Variants in PECAM1 observed in about 807,000 individuals in gnomAD.
The protein encoded by PECAM1 is platelet endothelial cell adhesion molecule.
PECAM1 carries 8 observed loss-of-function variants against 13.8 expected under a neutral mutation model. The ratio of observed to expected loss-of-function variants is 0.58; its 90% CI spans 0.34 to 1.05. The LOEUF (loss-of-function observed/expected upper bound fraction) is 1.05, where lower values mean the gene tolerates loss of function less well. Among genes scored for constraint, PECAM1 ranks in the 50% least tolerant of loss-of-function variants. The probability of loss-of-function intolerance (pLI) is 0.03; values close to 1 mark genes in which losing one functional copy is unlikely to be tolerated. For missense variants in PECAM1, 304 were observed against 141.2 expected, an observed-to-expected ratio of 2.15 and a Z score of -5.84; for synonymous variants, 136 against 52.6, an observed-to-expected ratio of 2.58 and a Z score of -6.86.
chr17:64,365,296 C>T (rs1430034193), intron 5 of PECAM1, among the ~76,000 whole-genome samples: 1 of 152,174 alleles, frequency 6.6e-6, no homozygotes, highest in Admixed American at 6.6e-5. Flanking sequence ...AGGAAAACTA[C>T]AAACCACTGC....
intron 14 of PECAM1, among the ~76,000 whole-genome samples, chr17:64,335,208 AG>A (rs2035246153): frequency 6.6e-6 from 1 of 152,124 alleles, no homozygotes; most frequent in Non-Finnish European, 1.5e-5. Flanking sequence ...AAGGTGACCA[AG>A]GTCTTGAGAG....
At chr17:64,347,253 C>T (rs1164662627) in intron 13 of PECAM1, among the ~76,000 whole-genome samples, 1 of 151,610 alleles carries the variant, frequency 6.6e-6, no homozygotes, top group African/African-American at 2.4e-5. Context: ...TGTGGTGGCT[C>T]ACACCTGTAA....
chr17:64,378,082 G>A lies in PECAM1; in HGVS notation c.127C>T (p.Pro43Ser). Residue 43 changes from proline (P) to serine (S), a missense_variant, in exon 3 of 16, where the codon CCG becomes TCG. Pro to Ser is a moderately conservative substitution (Grantham distance 74). Transcript: ENST00000563924. The part of the protein sequence containing the change: ...TINSVDMKSL[P>S]DWTVQNGKNL... ...TTCCCATTTTGCACCGTCCAGTCCGGCAGGCTCTTCATGTCAACACTGTTG... is the reference window on the plus strand; with the variant it reads ...TTCCCATTTTGCACCGTCCAGTCCGACAGGCTCTTCATGTCAACACTGTTG... 2.1e-6 allele frequency: 1 copy of A among 475,216 alleles called. No individual in the cohort carries two copies. The highest frequency in any genetic ancestry group is 3.9e-6 in the Non-Finnish European group (1 of 259,020). The allele number at this position is 475,216 out of a possible 1,614,324, so 29.4% of individuals were successfully genotyped here.
chr17:64,334,252 G>C (rs1009568960), intron 14 of PECAM1, among the ~76,000 whole-genome samples: 9 of 152,084 alleles, frequency 5.9e-5, no homozygotes, highest in Admixed American at 1.3e-4. Context: ...CTCTCTCCTC[G>C]GCCCTGGGGC....
chr17:64,388,956 A>T (rs2036659042), intron 2 of PECAM1, among the ~76,000 whole-genome samples: 1 of 152,060 alleles, frequency 6.6e-6, no homozygotes, highest in South Asian at 2.1e-4. Context: ...GTGTGAGCCA[A>T]CGCGGCTGGT....
chr17:64,354,868 C>T (rs1006066012), intron 9 of PECAM1, 65 bp downstream of exon 9: 2 of 471,158 alleles, frequency 4.2e-6, no homozygotes, highest in South Asian at 7.0e-5. Context: ...AAAAGCACCA[C>T]GCATCCCTGG....
intron 7 of PECAM1, 36 bp downstream of exon 7, chr17:64,360,104 G>A: frequency 2.1e-6 from 1 of 475,264 alleles, no homozygotes. Flanking sequence ...AATGCCCCAA[G>A]CCCACATGAT....
At position 64,323,116 on chromosome 17, in the gene PECAM1, A is replaced by G; in HGVS notation, c.*700T>C. ...ATCTTCCTGTCTTTCAGCCTTCAGC[A>G]TGGTAGAGGAAAAGAGAAAGAGTGT... On this transcript the variant is annotated 3_prime_UTR_variant, in exon 16 of 16. Transcript: ENST00000563924. 1.0e-6 allele frequency: 1 copy of G among 985,324 alleles called. No individual in the cohort carries two copies. The highest frequency in any genetic ancestry group is 1.2e-6 in the Non-Finnish European group (1 of 829,806). The allele number at this position is 985,324 out of a possible 1,614,324, so 61.0% of individuals were successfully genotyped here.
chr17:64,388,394 C>T (rs1176744308), intron 2 of PECAM1, among the ~76,000 whole-genome samples: 1 of 152,096 alleles, frequency 6.6e-6, no homozygotes, highest in Non-Finnish European at 1.5e-5. Context: ...GTAGTAAACA[C>T]CATTGTCATT....
chr17:64,330,956 C>G (rs1045124407), intron 14 of PECAM1, among the ~76,000 whole-genome samples: 2 of 152,150 alleles, frequency 1.3e-5, no homozygotes, highest in Admixed American at 1.3e-4. Flanking sequence ...TTGACTTCAC[C>G]AATTCCTTAC....
Position 64,356,095 on chromosome 17 carries a change from G to A in PECAM1, c.1780+16C>T, listed in dbSNP as rs2035840231. On this transcript the variant is annotated intron_variant, in intron 8 of 15. Coordinates refer to ENST00000563924, the MANE Select transcript of PECAM1 (RefSeq NM_000442.5). ...GGGAGCCCACAGCACAGCTTGCTAT[G>A]GAGACCCTGACTCACCTCTGACTGT... 2 of 475,048 alleles carry A rather than the reference G, an allele frequency of 4.2e-6. No homozygotes were observed. Among genetic ancestry groups the A allele is most frequent in the Admixed American group, 3.2e-5 (1 of 31,654 alleles). 29.4% of individuals were successfully genotyped at this position (475,048 alleles called of 1,614,324 possible). A position where few individuals can be genotyped will look rare whatever the true frequency, so the allele number is the denominator to read the frequency against.
intron 3 of PECAM1, chr17:64,377,485 C>A (rs1409578288): frequency 6.2e-6 from 1 of 160,368 alleles, no homozygotes; most frequent in African/African-American, 2.4e-5. Flanking sequence ...GTGGCACACA[C>A]CTGTAATCCC....
chr17:64,360,351 G>T lies in PECAM1; in HGVS notation c.1281C>A (p.Ile427=). Residue 427 remains isoleucine, a synonymous_variant, in exon 7 of 16, where the codon ATC becomes ATA. Coordinates refer to ENST00000563924, the MANE Select transcript of PECAM1 (RefSeq NM_000442.5). ...AQFEVIKGQT[I]EVRCESISGT... Reference sequence around the variant, plus strand: ...CACTGATCGATTCGCAACGGACTTCGATGGTCTGTCCTTTTATGACCTCAA... The same window carrying T: ...CACTGATCGATTCGCAACGGACTTCTATGGTCTGTCCTTTTATGACCTCAA... 1 of 475,344 alleles carries T rather than the reference G, an allele frequency of 2.1e-6. No homozygotes were observed. The highest frequency in any genetic ancestry group is 3.9e-6 in the Non-Finnish European group (1 of 259,054). The allele number at this position is 475,344 out of a possible 1,614,324, so 29.4% of individuals were successfully genotyped here.
chr17:64,367,836 T>C (rs1289449115), intron 5 of PECAM1, among the ~76,000 whole-genome samples: 1 of 152,142 alleles, frequency 6.6e-6, no homozygotes, highest in Non-Finnish European at 1.5e-5. Flanking sequence ...ATAATATAAA[T>C]TGTATCAGTA....
chr17:64,330,284 G>A (rs1364362158), intron 14 of PECAM1, among the ~76,000 whole-genome samples: 10 of 152,036 alleles, frequency 6.6e-5, no homozygotes. Flanking sequence ...CTCCCAAAGT[G>A]CTGGGATTAC....
intron 15 of PECAM1, among the ~76,000 whole-genome samples, chr17:64,326,438 C>T (rs956029365): frequency 1.3e-5 from 2 of 152,246 alleles, no homozygotes; most frequent in Non-Finnish European, 2.9e-5. Flanking sequence ...AAAGCCAAGG[C>T]TCTGGCCCCT....
chr17:64,359,004 G>T (rs1436850246), intron 7 of PECAM1, among the ~76,000 whole-genome samples: 1 of 151,968 alleles, frequency 6.6e-6, no homozygotes, highest in Non-Finnish European at 1.5e-5. Flanking sequence ...CACCATGTTG[G>T]CCAGGCTGGT....
intron 12 of PECAM1, among the ~76,000 whole-genome samples, chr17:64,349,512 C>T (rs2035661733): frequency 1.4e-5 from 2 of 142,088 alleles, no homozygotes; most frequent in South Asian, 2.3e-4. Context: ...GGCTTGAACC[C>T]GAGAGGCGGA....
chr17:64,370,737 G>T (rs1179577673), intron 4 of PECAM1, among the ~76,000 whole-genome samples: 1 of 152,142 alleles, frequency 6.6e-6, no homozygotes, highest in Non-Finnish European at 1.5e-5. Flanking sequence ...CCAGGGCATA[G>T]GATCTTCAGG....
Sources: gnomAD v4.1 joint callset for allele counts (sites outside exome capture counted in the v4.1 genomes callset) on GRCh38, gnomAD v4.1.1 for gene constraint, MANE v1.5 for transcripts, NCBI Gene and HGNC (gene_info 2026-07-23, HGNC 2026-07-21) for gene names.